The following RREB1 variants were observed in gnomAD, a reference collection of about 807,000 sequenced individuals.
RREB1 encodes ras responsive element binding protein 1.
A neutral mutation model predicts 117.8 loss-of-function variants in RREB1; 27 were observed. The ratio of observed to expected loss-of-function variants is 0.23; its 90% confidence interval spans 0.17 to 0.32. The LOEUF (loss-of-function observed/expected upper bound fraction) is 0.32. Ranked by LOEUF, RREB1 falls within the 10% of genes least tolerant of loss-of-function variation. RREB1 has a pLI of 1.00. For synonymous variants in RREB1, 1,298 were observed against 1,026.7 expected, an observed-to-expected ratio of 1.26 and a Z score of -5.05; for missense variants, 2,577 against 2,378.2, an observed-to-expected ratio of 1.08 and a Z score of -1.74.
intron 6 of RREB1, among the ~76,000 whole-genome samples, chr6:7,203,754 C>CG (rs1766117143): frequency 6.6e-6 from 1 of 152,228 alleles, no homozygotes. Context: ...AGATGAGAGA[C>CG]GTTCTCTATT....
chr6:7,186,224 C>T (rs904139246), intron 4 of RREB1, among the ~76,000 whole-genome samples: 9 of 152,172 alleles, frequency 5.9e-5, no homozygotes, highest in Admixed American at 1.3e-4. Flanking sequence ...TTGGGCTTGC[C>T]GAGGTGCAAG....
In RREB1 at chr6:7,249,092, AGAGAG is replaced by A; in HGVS notation, c.*125_*129del. The A allele has an allele frequency of 1.2e-6, 1 of 811,782 alleles. No homozygotes were observed. Among genetic ancestry groups the A allele is most frequent in the South Asian group, 2.0e-5 (1 of 50,522 alleles). 50.3% of individuals were successfully genotyped at this position (811,782 alleles called of 1,614,324 possible). On this transcript the variant is annotated 3_prime_UTR_variant, in exon 13 of 13. Coordinates refer to ENST00000379938, the MANE Select transcript of RREB1 (RefSeq NM_001003699.4). Reference sequence around the variant, plus strand: ...GAGAGAGAGAGAGAGAGAGAGAGAGAGAGAGAGAGAGACAAGCAGGAGCGTGGCTG... The same window carrying A: ...GAGAGAGAGAGAGAGAGAGAGAGAGAAGAGAGACAAGCAGGAGCGTGGCTG...
intron 1 of RREB1, among the ~76,000 whole-genome samples, chr6:7,125,137 A>G (rs1466883182): frequency 6.6e-6 from 1 of 152,232 alleles, no homozygotes; most frequent in Non-Finnish European, 1.5e-5. Context: ...AGGGAGATTC[A>G]GTGTTTTGTG....
intron 5 of RREB1, among the ~76,000 whole-genome samples, chr6:7,187,980 G>T (rs1466335924): frequency 2.0e-5 from 3 of 152,072 alleles, no homozygotes; most frequent in African/African-American, 4.8e-5. Flanking sequence ...ACATGGTCCA[G>T]ACCAGCCTGG....
At chr6:7,120,337 C>T (rs980536949) in intron 1 of RREB1, among the ~76,000 whole-genome samples, 9 of 151,890 alleles carry the variant, frequency 5.9e-5, no homozygotes, top group African/African-American at 1.7e-4. Flanking sequence ...ACCTGTAGTC[C>T]CAGATACTCA....
In RREB1 at chr6:7,246,783, G is replaced by A. The variant is rs1272340510; in HGVS notation, c.4333G>A (p.Glu1445Lys). The A allele has an allele frequency of 2.6e-6, 4 of 1,551,688 alleles. No homozygotes were observed. The African/African-American group carries it at 4.1e-5, about 16-fold the overall frequency. The part of the protein sequence containing the change: ...EAGAGGAASQ[E>K]QKLACDTCGK... ...AGGCGCCGGGGGCGCGGCCTCGCAGGAGCAGAAGCTCGCCTGCGACACCTG... is the reference window on the plus strand; with the variant it reads ...AGGCGCCGGGGGCGCGGCCTCGCAGAAGCAGAAGCTCGCCTGCGACACCTG... Residue 1445 changes from glutamate (E) to lysine (K), a missense_variant, in exon 12 of 13, where the codon GAG (glutamate) becomes AAG (lysine). Glu to Lys is a moderately conservative substitution (Grantham distance 56). Coordinates refer to ENST00000379938, the MANE Select transcript of RREB1 (RefSeq NM_001003699.4).
At chr6:7,113,713 C>T (rs1406764045) in intron 1 of RREB1, among the ~76,000 whole-genome samples, 1 of 152,208 alleles carries the variant, frequency 6.6e-6, no homozygotes, top group Non-Finnish European at 1.5e-5. Flanking sequence ...GCCTATTTAT[C>T]TCCATGTGTA....
At chr6:7,114,745 C>T (rs1002842950) in intron 1 of RREB1, among the ~76,000 whole-genome samples, 7 of 152,162 alleles carry the variant, frequency 4.6e-5, no homozygotes, top group Non-Finnish European at 7.4e-5. Flanking sequence ...TTGGCAAGTT[C>T]GAAGTTTCAC....
intron 10 of RREB1, among the ~76,000 whole-genome samples, chr6:7,232,894 A>G (rs1768089645): frequency 1.3e-5 from 2 of 151,238 alleles, no homozygotes; most frequent in Non-Finnish European, 2.9e-5. Context: ...CCTGGCCCCA[A>G]AAGTATTTTT....
At chr6:7,210,697 TTAAC>T (rs2113617262) in intron 6 of RREB1, 103 bp from the exon 7 acceptor site, 2 of 955,146 alleles carry the variant, frequency 2.1e-6, no homozygotes, top group Admixed American at 2.6e-5. Context: ...CTCATATCTC[TTAAC>T]TAAAGAAAAT....
chr6:7,201,802 C>T (rs2113593713), intron 6 of RREB1, among the ~76,000 whole-genome samples: 1 of 152,248 alleles, frequency 6.6e-6, no homozygotes, highest in Non-Finnish European at 1.5e-5. Flanking sequence ...CTCAAGAGGA[C>T]TGCTGTTCCA....
chr6:7,226,331 C>A, intron 8 of RREB1, 136 bp from the exon 9 acceptor site: 1 of 639,854 alleles, frequency 1.6e-6, no homozygotes, highest in Non-Finnish European at 2.6e-6. Context: ...GGCTTCTTGA[C>A]ATCATATCAT....
In RREB1 at chr6:7,209,912, G is replaced by A. The variant is rs983948796; in HGVS notation, c.426-892G>A. On this transcript the variant is annotated intron_variant, in intron 6 of 12. Transcript: ENST00000379938. ...CCTAAATCTGGCACAGTTCAACCAC[G>A]GCTACGTGATGAGGGTGATGATGAT... 3.9e-5 allele frequency among the ~76,000 whole-genome samples: 6 copies of A among 152,188 alleles called. 1 individual carries two copies. In the South Asian group the frequency reaches 1.0e-3, roughly 26 times the overall value.
intron 7 of RREB1, 79 bp from the exon 8 acceptor site, chr6:7,211,494 G>T: frequency 7.7e-7 from 1 of 1,297,606 alleles, no homozygotes; most frequent in Non-Finnish European, 1.1e-6. Context: ...GTAAATCTCT[G>T]AATTTAGCAT....
Position 7,187,517 on chromosome 6 carries a change from T to G in RREB1, c.255T>G (p.Ile85Met). The G allele has an allele frequency of 1.4e-6, 2 of 1,467,250 alleles. No individual in the cohort carries two copies. The highest frequency in any genetic ancestry group is 3.2e-5 in the South Asian group (2 of 62,784). The allele number at this position is 1,467,250 out of a possible 1,614,324, so 90.9% of individuals were successfully genotyped here. A position where few individuals can be genotyped will look rare whatever the true frequency, so the allele number is the denominator to read the frequency against. ...CTTQHQLTMH[I>M]RQHNTDTGGA... is the part of the protein sequence containing the mutation. ...CCCAGCACCAGCTGACCATGCACAT[T>G]CGCCAGGTAGATTCCCACTGTTCTT... Residue 85 changes from isoleucine (I) to methionine (M), a missense_variant, in exon 5 of 13, where the codon ATT becomes ATG. Ile to Met is a conservative substitution (Grantham distance 10, BLOSUM62 1). Transcript: ENST00000379938.
At chr6:7,177,484 T>C (rs894318238) in intron 2 of RREB1, among the ~76,000 whole-genome samples, 6 of 152,176 alleles carry the variant, frequency 3.9e-5, no homozygotes, top group African/African-American at 1.4e-4. Flanking sequence ...GAACTTCATC[T>C]GGTTTCCCAG....
At position 7,182,076 on chromosome 6, in the gene RREB1, G is replaced by T; in HGVS notation, c.165G>T (p.Arg55Ser). ...KPPGPNRIGR[R>S]NQETKEEKSS... is the part of the protein sequence containing the mutation. ...CAGGACCAAATCGGATTGGCAGAAG[G>T]AACCAGGTAAGTGTTCACACCTAGT... Residue 55 changes from arginine (R) to serine (S), a missense_variant, in exon 4 of 13, where the codon AGG becomes AGT. Coordinates refer to ENST00000379938, the MANE Select transcript of RREB1 (RefSeq NM_001003699.4). 1 of 1,614,106 alleles carries T rather than the reference G, an allele frequency of 6.2e-7. No individual in the cohort carries two copies. The highest frequency in any genetic ancestry group is 1.1e-5 in the South Asian group (1 of 91,080).
In RREB1 at chr6:7,229,766, C is replaced by T. The variant is rs765725056; in HGVS notation, c.1667C>T (p.Ala556Val). ...PLKLLKGSVEAASNAHLLQSK... is the reference protein window; with the variant it reads ...PLKLLKGSVEVASNAHLLQSK... ...AAGCTCCTCAAAGGCTCAGTGGAGG[C>T]GGCCTCCAACGCCCACCTGCTGCAG... Residue 556 changes from alanine to valine, a missense_variant, in exon 10 of 13, where the codon GCG (alanine) becomes GTG (valine). Ala to Val is a moderately conservative substitution (Grantham distance 64). Coordinates refer to ENST00000379938, the MANE Select transcript of RREB1 (RefSeq NM_001003699.4). The surrounding 1 kb of genome is among the most constrained non-coding windows in gnomAD (Gnocchi z 4.5). 1.4e-5 allele frequency: 22 copies of T among 1,604,962 alleles called. No individual in the cohort carries two copies. The highest frequency in any genetic ancestry group is 6.7e-5 in the Admixed American group (4 of 59,572).
At chr6:7,124,907 T>C (rs1761843131) in intron 1 of RREB1, among the ~76,000 whole-genome samples, 1 of 152,208 alleles carries the variant, frequency 6.6e-6, no homozygotes, top group African/African-American at 2.4e-5. Flanking sequence ...TGAGCTGTGC[T>C]TCTGACCTCT....
Sources: allele counts gnomAD v4.1 joint callset (sites outside exome capture counted in the v4.1 genomes callset), GRCh38; gene constraint gnomAD v4.1.1; non-coding constraint Gnocchi (gnomAD v3.1); transcripts MANE v1.5; gene names NCBI Gene and HGNC (gene_info 2026-07-23, HGNC 2026-07-21).